Variants in GRIK1 observed in about 807,000 individuals in gnomAD.
GRIK1 encodes the protein glutamate ionotropic receptor kainate type subunit 1, also known as glutamate receptor ionotropic, kainate 1.
GRIK1 carries 69 observed loss-of-function variants against 105.7 expected under a neutral mutation model. The ratio of observed to expected loss-of-function variants is 0.65; its 90% CI spans 0.54 to 0.80. The LOEUF (loss-of-function observed/expected upper bound fraction) is 0.80, where lower values mean the gene tolerates loss of function less well. Among genes scored for constraint, GRIK1 ranks in the 30% least tolerant of loss-of-function variants. GRIK1 has a pLI of 0.00. For synonymous variants in GRIK1, 438 were observed against 431.3 expected (o/e 1.02, Z -0.19); for missense variants, 1,109 against 1,167.3 (o/e 0.95, Z 0.73).
At chr21:29,833,304 C>A (rs1215471698) in intron 1 of GRIK1, among the ~76,000 whole-genome samples, 1 of 152,166 alleles carries the variant, frequency 6.6e-6, no homozygotes, top group Non-Finnish European at 1.5e-5. Flanking sequence ...TTTCCAACCT[C>A]TGCTCATTAC....
intron 1 of GRIK1, among the ~76,000 whole-genome samples, chr21:29,749,684 A>G (rs1466866770): frequency 6.6e-5 from 10 of 152,202 alleles, no homozygotes; most frequent in Admixed American, 3.3e-4. Context: ...CTACTTTTTA[A>G]AAGGCAGCAA....
chr21:29,801,757 A>G (rs2066717303), intron 1 of GRIK1, among the ~76,000 whole-genome samples: 2 of 152,226 alleles, frequency 1.3e-5, no homozygotes, highest in Non-Finnish European at 1.5e-5. Context: ...ATTATTGGTT[A>G]AAGAAATACT....
At chr21:29,710,829 TTCCTTCCTTCC>T (rs1186298672) in intron 1 of GRIK1, among the ~76,000 whole-genome samples, 4 of 109,442 alleles carry the variant, frequency 3.7e-5, no homozygotes, top group African/African-American at 7.5e-5. Flanking sequence ...CCTTCCTTCC[TTCCTTCCTTCC>T]TTTTCTCTCC....
intron 1 of GRIK1, among the ~76,000 whole-genome samples, chr21:29,731,123 T>C (rs1429864022): frequency 6.6e-6 from 1 of 152,210 alleles, no homozygotes; most frequent in East Asian, 1.9e-4. Flanking sequence ...TGGTTTCCCA[T>C]CAAAACTTTC....
chr21:29,670,468 T>C (rs1464895906), intron 4 of GRIK1, among the ~76,000 whole-genome samples: 1 of 152,226 alleles, frequency 6.6e-6, no homozygotes, highest in Non-Finnish European at 1.5e-5. Context: ...GCTACTTCTA[T>C]CAAAGGAACT....
intron 1 of GRIK1, chr21:29,761,203 C>T (rs2065505931): frequency 6.6e-6 from 1 of 152,302 alleles, no homozygotes. Flanking sequence ...CCCCTGTTGC[C>T]TGCACACTTT....
chr21:29,827,290 T>C (rs2067488140), intron 1 of GRIK1, among the ~76,000 whole-genome samples: 1 of 152,134 alleles, frequency 6.6e-6, no homozygotes, highest in African/African-American at 2.4e-5. Context: ...AAAATTATTC[T>C]TGCAATTTTA....
At chr21:29,691,381 T>G (rs1189346019) in intron 2 of GRIK1, among the ~76,000 whole-genome samples, 1 of 152,222 alleles carries the variant, frequency 6.6e-6, no homozygotes, top group Non-Finnish European at 1.5e-5. Flanking sequence ...ATAAATAATA[T>G]TATAGCACTT....
chr21:29,920,686 C>T (rs2071162776), intron 1 of GRIK1, among the ~76,000 whole-genome samples: 1 of 152,074 alleles, frequency 6.6e-6, no homozygotes, highest in Non-Finnish European at 1.5e-5. Context: ...ATCCAGTGGC[C>T]TGCCTATAGC....
At chr21:29,792,094 G>A (rs2066433845) in intron 1 of GRIK1, among the ~76,000 whole-genome samples, 1 of 151,998 alleles carries the variant, frequency 6.6e-6, no homozygotes, top group African/African-American at 2.4e-5. Flanking sequence ...GAAACTGACT[G>A]TTATGTGTGT....
chr21:29,830,670 T>C (rs1194900005), intron 1 of GRIK1, among the ~76,000 whole-genome samples: 1 of 152,118 alleles, frequency 6.6e-6, no homozygotes, highest in Non-Finnish European at 1.5e-5. Flanking sequence ...TTTACAATCT[T>C]TCACATAATA....
chr21:29,766,666 CACATAGAG>C (rs1176844964), intron 1 of GRIK1, among the ~76,000 whole-genome samples: 1 of 152,164 alleles, frequency 6.6e-6, no homozygotes, highest in Non-Finnish European at 1.5e-5. Context: ...TTCTTTCTCA[CACATAGAG>C]ACAGCTGTTC....
At chr21:29,853,875 C>A (rs944012613) in intron 1 of GRIK1, among the ~76,000 whole-genome samples, 1 of 152,022 alleles carries the variant, frequency 6.6e-6, no homozygotes. Flanking sequence ...AAGTTTAAGG[C>A]AAAAATTAGA....
intron 1 of GRIK1, among the ~76,000 whole-genome samples, chr21:29,938,739 G>A (rs1446261273): frequency 2.6e-5 from 4 of 152,188 alleles, no homozygotes; most frequent in Non-Finnish European, 5.9e-5. Context: ...GTCTGCTGAT[G>A]TTGCTAACTG....
At chr21:29,921,975 CCTT>C (rs2071208481) in intron 1 of GRIK1, among the ~76,000 whole-genome samples, 1 of 152,074 alleles carries the variant, frequency 6.6e-6, no homozygotes, top group South Asian at 2.1e-4. Flanking sequence ...CTAAAGTAGT[CCTT>C]CTGGGTGATA....
At chr21:29,543,291 A>G (rs986516503) in intron 16 of GRIK1, among the ~76,000 whole-genome samples, 1 of 152,154 alleles carries the variant, frequency 6.6e-6, no homozygotes, top group Non-Finnish European at 1.5e-5. Flanking sequence ...AAGGAATAGG[A>G]ACAGAAGAAT....
chr21:29,884,938 G>A (rs1455277777), intron 1 of GRIK1, among the ~76,000 whole-genome samples: 1 of 152,006 alleles, frequency 6.6e-6, no homozygotes, highest in Non-Finnish European at 1.5e-5. Context: ...ACTTGGTGAC[G>A]ATGTTGCTCA....
intron 1 of GRIK1, among the ~76,000 whole-genome samples, chr21:29,813,121 C>G (rs2145897949): frequency 6.6e-6 from 1 of 152,184 alleles, no homozygotes; most frequent in East Asian, 1.9e-4. Context: ...TTTCACATGC[C>G]TGGCACACGC....
chr21:29,914,546 C>G (rs1334593096), intron 1 of GRIK1, among the ~76,000 whole-genome samples: 2 of 152,082 alleles, frequency 1.3e-5, no homozygotes, highest in Non-Finnish European at 2.9e-5. Context: ...CCAATCCTGA[C>G]CTACTAACCA....
Sources: allele counts gnomAD v4.1 joint callset (sites outside exome capture counted in the v4.1 genomes callset), GRCh38; gene constraint gnomAD v4.1.1; transcripts MANE v1.5; gene names NCBI Gene and HGNC (gene_info 2026-07-23, HGNC 2026-07-21).